ANO7: variants seen among roughly 807,000 people sequenced by gnomAD.
The protein encoded by ANO7 is anoctamin 7, also known as anoctamin-7.
A neutral mutation model predicts 115.8 loss-of-function variants in ANO7; 114 were observed. The ratio of observed to expected loss-of-function variants is 0.98; its 90% CI spans 0.85 to 1.15. ANO7 has a LOEUF of 1.15. Among genes scored for constraint, ANO7 ranks in the 50% most tolerant of loss-of-function variants. The pLI is 0.00. For missense variants in ANO7, 1,302 were observed against 1,201.2 expected (o/e 1.08, Z -1.24); for synonymous variants, 550 against 498.2 (o/e 1.10, Z -1.38).
chr2:241,239,904 G>A, the ANO7 span: 1 of 1,614,070 alleles, frequency 6.2e-7, no homozygotes, highest in Non-Finnish European at 8.5e-7. The surrounding 1 kb of genome is among the most constrained non-coding windows in gnomAD (Gnocchi z 4.6). Context: ...TCCCTACCAG[G>A]TTTTGGATCA....
At chr2:241,198,775 C>T (rs762828169) in intron 4 of ANO7, among the ~76,000 whole-genome samples, 9 of 152,260 alleles carry the variant, frequency 5.9e-5, no homozygotes, top group Non-Finnish European at 4.4e-5. Flanking sequence ...ATCCCTGTCT[C>T]AACCCACCCC....
At chr2:241,230,274 A>G, downstream of ANO7, 1 of 1,563,800 alleles carries the variant, frequency 6.4e-7, no homozygotes, top group Non-Finnish European at 8.8e-7. This position sits in a 1 kb window ranked among gnomAD's most constrained non-coding sequence, Gnocchi z 5.0. Flanking sequence ...GTCCACCTGG[A>G]AGGGGTGTAC....
At chr2:241,226,285 C>T (rs1013973060), downstream of ANO7, among the ~76,000 whole-genome samples, 7 of 152,112 alleles carry the variant, frequency 4.6e-5, no homozygotes, top group African/African-American at 7.2e-5. Flanking sequence ...GAGCTCCATC[C>T]GTGCCGAGCA....
chr2:241,208,878 G>A (rs1272576248), intron 11 of ANO7, among the ~76,000 whole-genome samples: 9 of 152,202 alleles, frequency 5.9e-5, no homozygotes, highest in Admixed American at 1.3e-4. Flanking sequence ...GGCTGGGCAC[G>A]GTGGCTCACG....
At chr2:241,215,806 C>T (rs891087620) in intron 18 of ANO7, among the ~76,000 whole-genome samples, 4 of 152,214 alleles carry the variant, frequency 2.6e-5, no homozygotes, top group African/African-American at 7.2e-5. Flanking sequence ...TTTGCAATTC[C>T]GGGAGGAGCC....
chr2:241,236,521 G>A, the ANO7 span: 1 of 1,294,772 alleles, frequency 7.7e-7, no homozygotes. Context: ...ACTGCCGCTT[G>A]GGCAACCGTC....
chr2:241,209,035 G>T (rs1471303701), intron 11 of ANO7, among the ~76,000 whole-genome samples: 1 of 152,238 alleles, frequency 6.6e-6, no homozygotes, highest in African/African-American at 2.4e-5. Context: ...TGTAGTCCCA[G>T]CTACTTGGGA....
At chr2:241,236,066 G>A in the ANO7 span, 6 of 187,702 alleles carry the variant, frequency 3.2e-5, no homozygotes, top group African/African-American at 4.7e-5. Flanking sequence ...CTCCCCCACC[G>A]CCCTTCACCT....
At chr2:241,194,289 TATAG>T (rs1380670840) in intron 3 of ANO7, among the ~76,000 whole-genome samples, 15 of 150,558 alleles carry the variant, frequency 1.0e-4, no homozygotes, top group African/African-American at 3.7e-4. Context: ...GTCATAGGTA[TATAG>T]AAATTATTTA....
chr2:241,212,003 C>T (rs550641795), intron 15 of ANO7, 91 bp from the exon 16 acceptor site: 27 of 875,182 alleles, frequency 3.1e-5, no homozygotes, highest in East Asian at 1.5e-4. Flanking sequence ...TTTCCTCACC[C>T]GTGTGTGGCA....
intron 21 of ANO7, among the ~76,000 whole-genome samples, chr2:241,218,708 C>T (rs2068932114): frequency 6.6e-6 from 1 of 152,170 alleles, no homozygotes; most frequent in Non-Finnish European, 1.5e-5. Context: ...CGGCCGGGGG[C>T]GTCGGCAGAC....
the ANO7 span, among the ~76,000 whole-genome samples, chr2:241,237,845 T>C: frequency 6.6e-6 from 1 of 152,246 alleles, no homozygotes; most frequent in Non-Finnish European, 1.5e-5. Context: ...GTGTAAAACA[T>C]AGACAGAGTG....
downstream of ANO7, chr2:241,227,340 T>C (rs1228535467): frequency 6.6e-6 from 1 of 152,564 alleles, no homozygotes; most frequent in Non-Finnish European, 1.5e-5. Flanking sequence ...GTGTCATCCA[T>C]ATTCATGAGC....
At chr2:241,235,649 G>A in the ANO7 span, 7 of 1,284,126 alleles carry the variant, frequency 5.5e-6, no homozygotes, top group Admixed American at 3.4e-5. Flanking sequence ...GAGTGACGTT[G>A]TAAGCTCAGC....
chr2:241,192,686 A>G (rs932838426), intron 3 of ANO7, among the ~76,000 whole-genome samples: 1 of 152,216 alleles, frequency 6.6e-6, no homozygotes, highest in East Asian at 1.9e-4. Context: ...GTGTCCACCT[A>G]CAGATGACTA....
intron 3 of ANO7, among the ~76,000 whole-genome samples, chr2:241,194,380 T>C (rs2068274383): frequency 6.6e-6 from 1 of 150,890 alleles, no homozygotes; most frequent in African/African-American, 2.4e-5. Flanking sequence ...AGTGGCGTGA[T>C]CTCAGCTCAC....
Position 241,224,466 on chromosome 2 carries a change from G to A in ANO7, c.*313G>A, listed in dbSNP as rs944528802. ...GTGGCCTCCCCAGGCCCCTGGACACGACAGTTCTCCTCAGGCAGGTGGGCT... is the reference window on the plus strand; with the variant it reads ...GTGGCCTCCCCAGGCCCCTGGACACAACAGTTCTCCTCAGGCAGGTGGGCT... On this transcript the variant is annotated 3_prime_UTR_variant, in exon 25 of 25. Coordinates refer to ENST00000674324, the MANE Select transcript of ANO7 (RefSeq NM_001370694.2). 12 of 403,058 alleles carry A rather than the reference G, an allele frequency of 3.0e-5. No individual in the cohort carries two copies. Among genetic ancestry groups the A allele is most frequent in the Admixed American group, 8.0e-5 (2 of 24,920 alleles). 25.0% of individuals were successfully genotyped at this position (403,058 alleles called of 1,614,324 possible). A position where few individuals can be genotyped will look rare whatever the true frequency, so the allele number is the denominator to read the frequency against.
the ANO7 span, chr2:241,240,032 G>A: frequency 3.7e-6 from 6 of 1,614,138 alleles, no homozygotes; most frequent in East Asian, 6.7e-5. The surrounding 1 kb of genome is among the most constrained non-coding windows in gnomAD (Gnocchi z 5.5). Context: ...GTGCTGTCGC[G>A]CACCTTGCGA....
downstream of ANO7, chr2:241,229,888 G>A: frequency 6.3e-7 from 1 of 1,594,312 alleles, no homozygotes; most frequent in Non-Finnish European, 8.5e-7. Context: ...GCCTCTGGAA[G>A]GTGCCTTGGC....
Sources: allele counts gnomAD v4.1 joint callset (sites outside exome capture counted in the v4.1 genomes callset), GRCh38; gene constraint gnomAD v4.1.1; non-coding constraint Gnocchi (gnomAD v3.1); transcripts MANE v1.5; gene names NCBI Gene and HGNC (gene_info 2026-07-23, HGNC 2026-07-21).